Variants in PTPN14 observed in about 807,000 individuals in gnomAD.
PTPN14 encodes protein tyrosine phosphatase non-receptor type 14, also known as tyrosine-protein phosphatase non-receptor type 14.
PTPN14 carries 53 observed loss-of-function variants against 126.8 expected under a neutral mutation model. The ratio of observed to expected loss-of-function variants is 0.42; its 90% CI spans 0.34 to 0.53. The LOEUF is 0.53. Among genes scored for constraint, PTPN14 ranks in the 20% least tolerant of loss-of-function variants. PTPN14 has a pLI of 0.08. For missense variants in PTPN14, 1,257 were observed against 1,552.9 expected, an observed-to-expected ratio of 0.81 and a Z score of 3.20; for synonymous variants, 630 against 599.3, an observed-to-expected ratio of 1.05 and a Z score of -0.75.
chr1:214,436,664 G>A lies in PTPN14; in HGVS notation c.344+15141C>T, dbSNP rs1366731125. Among the ~76,000 whole-genome samples the A allele has an allele frequency of 5.3e-5, 8 of 152,070 alleles. No individual in the cohort carries two copies. In the East Asian group the frequency reaches 1.4e-3, roughly 26 times the overall value. ...TAGCTGGGCATGGTGGTGGGCGCCT[G>A]TAATCCCAGCTACTGGGGAGGCTGA... On this transcript the variant is annotated intron_variant, in intron 3 of 18. Coordinates refer to ENST00000366956, the MANE Select transcript of PTPN14 (RefSeq NM_005401.5).
At position 214,377,102 on chromosome 1, in the gene PTPN14, C is replaced by T. The variant is rs576971274; in HGVS notation, c.2689-665G>A. 6.6e-5 allele frequency among the ~76,000 whole-genome samples: 10 copies of T among 152,332 alleles called. No homozygotes were observed. The South Asian group carries it at 2.1e-3, about 32-fold the overall frequency. On this transcript the variant is annotated intron_variant, in intron 14 of 18. Transcript: ENST00000366956. The stretch of plus-strand genomic sequence containing the variant: ...CAGCTGCTTTCTGCTTTTCAAAACC[C>T]ATGTTGTCACAATGCATTATCCAGA...
At chr1:214,400,047 C>CTAT (rs2102561932) in intron 7 of PTPN14, among the ~76,000 whole-genome samples, 1 of 46,420 alleles carries the variant, frequency 2.2e-5, no homozygotes, top group South Asian at 5.7e-4. Flanking sequence ...CAGTCCACTG[C>CTAT]TGTTCTACTC....
intron 7 of PTPN14, among the ~76,000 whole-genome samples, 179 bp from the exon 8 acceptor site, chr1:214,398,180 T>C (rs573593827): frequency 2.6e-5 from 4 of 152,332 alleles, no homozygotes; most frequent in Admixed American, 2.6e-4. Flanking sequence ...AAATTGGCAT[T>C]TGCCACAATA....
In PTPN14 at chr1:214,414,813, C is replaced by T. The variant is rs1659390407; in HGVS notation, c.345-87G>A. 2.8e-6 allele frequency: 3 copies of T among 1,065,256 alleles called. No individual in the cohort carries two copies. The South Asian group carries it at 3.8e-5, about 14-fold the overall frequency. The allele number at this position is 1,065,256 out of a possible 1,614,324, so 66.0% of individuals were successfully genotyped here. A position where few individuals can be genotyped will look rare whatever the true frequency, so the allele number is the denominator to read the frequency against. ...AACACAGATGCCTCTAGATGTAAAA[C>T]CTTGTGTACACAGCAGGACATGCCT... is the stretch of plus-strand genomic sequence containing the variant. On this transcript the variant is annotated intron_variant, in intron 3 of 18. Transcript: ENST00000366956.
chr1:214,384,139 C>T lies in PTPN14; in HGVS notation c.1716G>A (p.Arg572=), dbSNP rs753559949. Residue 572 remains arginine (R), a synonymous_variant, in exon 13 of 19, where the codon CGG becomes CGA. Transcript: ENST00000366956. The surrounding 1 kb of genome is among the most constrained non-coding windows in gnomAD (Gnocchi z 5.3). ...CTGGGGTGCTGGTGGCAGGTCGTGG[C>T]CGTGGGTAGGGGGGCGGTGGCCTGA... is the stretch of plus-strand genomic sequence containing the variant. The part of the protein sequence containing the change: ...YLFRPPPPYP[R]PRPATSTPDL... 1 of 1,575,632 alleles carries T rather than the reference C, an allele frequency of 6.3e-7. No individual in the cohort carries two copies. The highest frequency in any genetic ancestry group is 8.6e-7 in the Non-Finnish European group (1 of 1,163,512).
At chr1:214,515,885 G>A (rs1655092244) in intron 1 of PTPN14, among the ~76,000 whole-genome samples, 1 of 151,972 alleles carries the variant, frequency 6.6e-6, no homozygotes, top group Admixed American at 6.6e-5. Flanking sequence ...GAAATATCTT[G>A]CTATTTCACT....
intron 3 of PTPN14, among the ~76,000 whole-genome samples, chr1:214,450,958 C>T (rs996701902): frequency 9.9e-5 from 15 of 152,206 alleles, no homozygotes; most frequent in Admixed American, 2.6e-4. Context: ...TCCTCTTCTA[C>T]TGATGGCTTC....
At chr1:214,400,169 G>C (rs892255271) in intron 7 of PTPN14, among the ~76,000 whole-genome samples, 5 of 152,168 alleles carry the variant, frequency 3.3e-5, no homozygotes, top group African/African-American at 1.2e-4. Context: ...CCAATCAAAA[G>C]AGACTCCAGT....
At chr1:214,453,479 A>G (rs10864097) in intron 2 of PTPN14, among the ~76,000 whole-genome samples, 152,236 of 152,338 alleles carry the variant, frequency 1, 76,068 homozygotes, top group Middle Eastern at 1. Context: ...TGCAAAATGG[A>G]GATGATGGTT....
chr1:214,498,108 A>G (rs1654581249), intron 1 of PTPN14, among the ~76,000 whole-genome samples: 3 of 152,214 alleles, frequency 2.0e-5, no homozygotes, highest in African/African-American at 7.2e-5. Context: ...AAAATATTAT[A>G]ACAAAGTACT....
chr1:214,541,664 T>C (rs956516262), intron 1 of PTPN14, among the ~76,000 whole-genome samples: 4 of 152,214 alleles, frequency 2.6e-5, no homozygotes, highest in African/African-American at 9.6e-5. Context: ...ACCTGTCCAT[T>C]TCCTACCCAA....
intron 2 of PTPN14, among the ~76,000 whole-genome samples, chr1:214,458,332 T>C (rs1024064353): frequency 1.3e-5 from 2 of 152,136 alleles, no homozygotes; most frequent in African/African-American, 4.8e-5. Context: ...AGTTGTGAGC[T>C]ACCAGGCCTG....
chr1:214,378,548 GTTGA>G (rs1294457171), intron 13 of PTPN14, among the ~76,000 whole-genome samples: 1 of 152,026 alleles, frequency 6.6e-6, no homozygotes, highest in East Asian at 1.9e-4. Context: ...ACAGTTTGTT[GTTGA>G]TTGAGAGATC....
At position 214,520,047 on chromosome 1, in the gene PTPN14, C is replaced by CAAAAAAAAAAAA. The variant is rs1183768381; in HGVS notation, c.-155+31124_-155+31135dup. Among the ~76,000 whole-genome samples the CAAAAAAAAAAAA allele has an allele frequency of 2.0e-4, 16 of 80,742 alleles. 1 individual carries two copies. Among genetic ancestry groups the CAAAAAAAAAAAA allele is most frequent in the East Asian group, 1.8e-3 (3 of 1,692 alleles). The allele number at this position is 80,742 out of a possible 152,430, so 53.0% of individuals were successfully genotyped here. ...TGAGTGACAGAAAAAAACCCTGTCT[C>CAAAAAAAAAAAA]AAAAAAAAAAAAAAAAAAATATATA... is the stretch of plus-strand genomic sequence containing the variant. On this transcript the variant is annotated intron_variant, in intron 1 of 18. Transcript: ENST00000366956.
chr1:214,362,208 G>T (rs974775296), intron 18 of PTPN14, among the ~76,000 whole-genome samples: 7 of 152,176 alleles, frequency 4.6e-5, no homozygotes, highest in African/African-American at 1.7e-4. Flanking sequence ...CAGAACAAAA[G>T]GAGAGCATTT....
rs1657771943 is a variant in PTPN14, at chr1:214,354,513, C to T, written c.*3409G>A. The T allele has an allele frequency of 6.6e-6, 1 of 152,120 alleles. No homozygotes were observed. The highest frequency in any genetic ancestry group is 6.5e-5 in the Admixed American group (1 of 15,268). The allele number at this position is 152,120 out of a possible 1,614,324, so 9.4% of individuals were successfully genotyped here. A position where few individuals can be genotyped will look rare whatever the true frequency, so the allele number is the denominator to read the frequency against. ...TACTCTTGCTAAAAGATGGTATATC[C>T]AGTATATCCTTAGAACCCAAGGAAA... is the stretch of plus-strand genomic sequence containing the variant. On this transcript the variant is annotated 3_prime_UTR_variant, in exon 19 of 19. Transcript: ENST00000366956.
chr1:214,499,544 A>G (rs1654628787), intron 1 of PTPN14, among the ~76,000 whole-genome samples: 1 of 152,220 alleles, frequency 6.6e-6, no homozygotes, highest in Admixed American at 6.5e-5. Flanking sequence ...TAAAATTTGC[A>G]TCATGTTCAT....
At chr1:214,381,991 G>A (rs61821368) in intron 13 of PTPN14, among the ~76,000 whole-genome samples, 7,391 of 150,790 alleles carry the variant, frequency 0.049, 245 homozygotes, top group South Asian at 0.21. Flanking sequence ...AGCAACCTCC[G>A]CCTTGTGGGT....
intron 1 of PTPN14, among the ~76,000 whole-genome samples, chr1:214,519,431 C>T (rs1056820579): frequency 6.6e-6 from 1 of 152,106 alleles, no homozygotes; most frequent in African/African-American, 2.4e-5. Flanking sequence ...AGAGTTACTG[C>T]CCCAAACTTG....
Sources: allele counts gnomAD v4.1 joint callset (sites outside exome capture counted in the v4.1 genomes callset), GRCh38; gene constraint gnomAD v4.1.1; non-coding constraint Gnocchi (gnomAD v3.1); transcripts MANE v1.5; gene names NCBI Gene and HGNC (gene_info 2026-07-23, HGNC 2026-07-21).